The following LPAR2 variants were observed in gnomAD, a reference collection of about 807,000 sequenced individuals.
LPAR2 encodes the protein G protein-coupled receptor.
LPAR2 carries 10 observed loss-of-function variants against 15.6 expected under a neutral mutation model. The observed-to-expected ratio is 0.64, with a 90% CI of 0.39 to 1.09. The LOEUF (loss-of-function observed/expected upper bound fraction) is 1.09. Ranked by LOEUF, LPAR2 falls within the 50% of genes least tolerant of loss-of-function variation. LPAR2 has a pLI of 0.01. For missense variants in LPAR2, 413 were observed against 484.6 expected (o/e 0.85, Z 1.39); for synonymous variants, 204 against 207.4 (o/e 0.98, Z 0.14).
rs775016850 is a variant in LPAR2, at chr19:19,626,667, A to G, written c.618T>C (p.Ala206=). The change falls in exon 2 of 3, where the codon GCT becomes GCC. Residue 206 remains alanine, a synonymous_variant. Transcript: ENST00000407877. This position sits in a 1 kb window ranked among gnomAD's most constrained non-coding sequence, Gnocchi z 5.3. ...CGTAGAAGAAAATGCGGGTGTACAC[A>G]GCCACCATGAGCAGGAAGACAAGCA... 1.2e-6 allele frequency: 2 copies of G among 1,613,420 alleles called. No homozygotes were observed. Among genetic ancestry groups the G allele is most frequent in the African/African-American group, 1.3e-5 (1 of 74,938 alleles).
rs1261123904 is a variant in LPAR2, at chr19:19,624,469, T to G, written c.843A>C (p.Leu281=). Residue 281 remains leucine, a synonymous_variant, in exon 3 of 3, where the codon CTA becomes CTC. Coordinates refer to ENST00000407877, the MANE Select transcript of LPAR2 (RefSeq NM_004720.7). ...CCAGGGAGTTGGCCTCGGCCAACAGTAGGAAGTACTTTTCTACAGCCAGGA... is the reference window on the plus strand; with the variant it reads ...CCAGGGAGTTGGCCTCGGCCAACAGGAGGAAGTACTTTTCTACAGCCAGGA... 3.1e-6 allele frequency: 5 copies of G among 1,613,848 alleles called. No homozygotes were observed. The highest frequency in any genetic ancestry group is 1.7e-5 in the Admixed American group (1 of 59,996).
Position 19,627,550 on chromosome 19 carries a change from G to T in LPAR2, c.1-266C>A, listed in dbSNP as rs1037860229. ...AAGTCAATAGGTTTTTGAACCAGAAGTGAAACAAAACCCATCTATGGTCGA... is the reference window on the plus strand; with the variant it reads ...AAGTCAATAGGTTTTTGAACCAGAATTGAAACAAAACCCATCTATGGTCGA... On this transcript the variant is annotated intron_variant, in intron 1 of 2. Transcript: ENST00000407877. This position sits in a 1 kb window ranked among gnomAD's most constrained non-coding sequence, Gnocchi z 4.7. 7.4e-5 allele frequency: 34 copies of T among 461,592 alleles called. 1 individual carries two copies. Among genetic ancestry groups the T allele is most frequent in the African/African-American group, 6.3e-4 (32 of 50,838 alleles). The allele number at this position is 461,592 out of a possible 1,614,324, so 28.6% of individuals were successfully genotyped here.
intron 2 of LPAR2, 131 bp from the exon 3 acceptor site, chr19:19,624,700 G>A (rs911759719): frequency 2.0e-5 from 14 of 693,676 alleles, no homozygotes; most frequent in African/African-American, 3.6e-5. Flanking sequence ...AGAGCTGCTT[G>A]TTTCCCTGAT....
chr19:19,626,522 C>A lies in LPAR2; in HGVS notation c.742+21G>T, dbSNP rs750597087. On this transcript the variant is annotated intron_variant, in intron 2 of 2. Coordinates refer to ENST00000407877, the MANE Select transcript of LPAR2 (RefSeq NM_004720.7). This position sits in a 1 kb window ranked among gnomAD's most constrained non-coding sequence, Gnocchi z 5.3. ...ATAGGGGGAAGCAGGGTCCCTGTTG[C>A]CCCCTGGGGGCCCCACTTACCCAGG... The A allele has an allele frequency of 1.9e-6, 3 of 1,569,630 alleles. No homozygotes were observed. In the Admixed American group the frequency reaches 5.5e-5, roughly 29 times the overall value.
At chr19:19,625,067 G>GC (rs1365857053) in intron 2 of LPAR2, among the ~76,000 whole-genome samples, 1 of 151,414 alleles carries the variant, frequency 6.6e-6, no homozygotes, top group Non-Finnish European at 1.5e-5. Context: ...TGATCCGCCC[G>GC]CCTCAGCCTC....
In LPAR2 at chr19:19,624,516, A is replaced by G. The variant is rs751863453; in HGVS notation, c.796T>C (p.Leu266=). ...AGGACATTGCAGGACTCACAGCCTA[A>G]ACCATCCAGGAGCAGTACCACCTGG... The change falls in exon 3 of 3, where the codon TTA becomes CTA. Residue 266 remains leucine, a synonymous_variant. Coordinates refer to ENST00000407877, the MANE Select transcript of LPAR2 (RefSeq NM_004720.7). 6.2e-7 allele frequency: 1 copy of G among 1,613,748 alleles called. No homozygotes were observed. The highest frequency in any genetic ancestry group is 8.5e-7 in the Non-Finnish European group (1 of 1,179,852).
intron 2 of LPAR2, among the ~76,000 whole-genome samples, chr19:19,625,186 A>G (rs2061733897): frequency 6.6e-6 from 1 of 151,858 alleles, no homozygotes; most frequent in Non-Finnish European, 1.5e-5. Flanking sequence ...GCACGATCAC[A>G]CCTCACTGAA....
rs775202195 is a variant in LPAR2 at position 19,627,177 on chromosome 19, C to T, written c.108G>A (p.Val36=). ...GCACGCTGACGGTCAGCCCCAGTGCCACCACGACCACATCCTTGGGCCGCC... is the reference window on the plus strand; with the variant it reads ...GCACGCTGACGGTCAGCCCCAGTGCTACCACGACCACATCCTTGGGCCGCC... The change falls in exon 2 of 3, where the codon GTG becomes GTA. Residue 36 remains valine, a synonymous_variant. Transcript: ENST00000407877. This position sits in a 1 kb window ranked among gnomAD's most constrained non-coding sequence, Gnocchi z 4.7. 2 of 1,613,246 alleles carry T rather than the reference C, an allele frequency of 1.2e-6. No homozygotes were observed. Among genetic ancestry groups the T allele is most frequent in the South Asian group, 1.1e-5 (1 of 91,086 alleles).
chr19:19,624,687 G>GC, intron 2 of LPAR2, 118 bp from the exon 3 acceptor site: 1 of 753,114 alleles, frequency 1.3e-6, no homozygotes, highest in Non-Finnish European at 2.2e-6. Context: ...AGTTTGCAGT[G>GC]CAAGAGCTGC....
In LPAR2 at chr19:19,626,919, C is replaced by T. The variant is rs1366392791; in HGVS notation, c.366G>A (p.Leu122=). 1.9e-6 allele frequency: 3 copies of T among 1,604,802 alleles called. No homozygotes were observed. Among genetic ancestry groups the T allele is most frequent in the Non-Finnish European group, 2.6e-6 (3 of 1,176,374 alleles). Residue 122 remains leucine, a synonymous_variant, in exon 2 of 3, where the codon CTG becomes CTA. Coordinates refer to ENST00000407877, the MANE Select transcript of LPAR2 (RefSeq NM_004720.7). The surrounding 1 kb of genome is among the most constrained non-coding windows in gnomAD (Gnocchi z 5.3). ...GGTGCCGCTCCACGGCGATGGCCAGCAGTGTGGCCACCGACGCAGTGAGGC... is the reference window on the plus strand; with the variant it reads ...GGTGCCGCTCCACGGCGATGGCCAGTAGTGTGGCCACCGACGCAGTGAGGC...
At position 19,627,199 on chromosome 19, in the gene LPAR2, C is replaced by A; in HGVS notation, c.86G>T (p.Arg29Leu). The stretch of plus-strand genomic sequence containing the variant: ...TGCCACCACGACCACATCCTTGGGC[C>A]GCCAGTGGGAGCTGAGCTCTTTGCC... Residue 29 changes from arginine (R) to leucine (L), a missense_variant, in exon 2 of 3, where the codon CGG becomes CTG. Transcript: ENST00000407877. This position sits in a 1 kb window ranked among gnomAD's most constrained non-coding sequence, Gnocchi z 4.7. 6.2e-7 allele frequency: 1 copy of A among 1,612,750 alleles called. No individual in the cohort carries two copies. Among genetic ancestry groups the A allele is most frequent in the Non-Finnish European group, 8.5e-7 (1 of 1,179,998 alleles).
At position 19,626,334 on chromosome 19, in the gene LPAR2, C is replaced by T. The variant is rs1262369748; in HGVS notation, c.742+209G>A. On this transcript the variant is annotated intron_variant, in intron 2 of 2. Transcript: ENST00000407877. This position sits in a 1 kb window ranked among gnomAD's most constrained non-coding sequence, Gnocchi z 5.3. ...GTACTGCCTTGAGGTTTTTACTTTC[C>T]GTTTCCTCTGCCTGGAAGGCTCTCT... is the stretch of plus-strand genomic sequence containing the variant. Among the ~76,000 whole-genome samples the T allele has an allele frequency of 2.0e-5, 3 of 152,242 alleles. No homozygotes were observed. The highest frequency in any genetic ancestry group is 4.4e-5 in the Non-Finnish European group (3 of 68,042).
intron 2 of LPAR2, among the ~76,000 whole-genome samples, chr19:19,625,360 C>A (rs2061734620): frequency 6.6e-6 from 1 of 152,056 alleles, no homozygotes; most frequent in African/African-American, 2.4e-5. Context: ...CCCAGCTACT[C>A]AGGAAACTGA....
chr19:19,628,154 C>T lies in LPAR2; in HGVS notation c.-63G>A, dbSNP rs2061754106. 6.6e-6 allele frequency: 1 copy of T among 152,212 alleles called. No homozygotes were observed. The highest frequency in any genetic ancestry group is 2.1e-4 in the South Asian group (1 of 4,836). The allele number at this position is 152,212 out of a possible 1,614,324, so 9.4% of individuals were successfully genotyped here. On this transcript the variant is annotated 5_prime_UTR_variant, in exon 1 of 3. Coordinates refer to ENST00000407877, the MANE Select transcript of LPAR2 (RefSeq NM_004720.7). ...CGGGGGTTCGGGGCGGGCTCGAGGCCCATGGCCCGGCGACTGCGGCGGGAG... is the reference window on the plus strand; with the variant it reads ...CGGGGGTTCGGGGCGGGCTCGAGGCTCATGGCCCGGCGACTGCGGCGGGAG...
In LPAR2 at chr19:19,624,058, G is replaced by A; in HGVS notation, c.*198C>T. The A allele has an allele frequency of 1.6e-6, 1 of 617,386 alleles. No individual in the cohort carries two copies. The highest frequency in any genetic ancestry group is 2.9e-6 in the Non-Finnish European group (1 of 348,574). The allele number at this position is 617,386 out of a possible 1,614,324, so 38.2% of individuals were successfully genotyped here. On this transcript the variant is annotated 3_prime_UTR_variant, in exon 3 of 3. Transcript: ENST00000407877. ...CCTGCACCCCATCTGACTCCCCCAG[G>A]CAGTGGGAGATGACCCAAAGCCCCC...
At position 19,627,141 on chromosome 19, in the gene LPAR2, C is replaced by T. The variant is rs2061745907; in HGVS notation, c.144G>A (p.Leu48=). 1.9e-6 allele frequency: 3 copies of T among 1,613,096 alleles called. No homozygotes were observed. The highest frequency in any genetic ancestry group is 1.1e-5 in the South Asian group (1 of 91,022). ...TGGCTGCTATGACCAGCAGATTGGT[C>T]AGCAGCACCAGCACGCTGACGGTCA... The change falls in exon 2 of 3, where the codon CTG becomes CTA. Residue 48 remains leucine (L), a synonymous_variant. Coordinates refer to ENST00000407877, the MANE Select transcript of LPAR2 (RefSeq NM_004720.7). This position sits in a 1 kb window ranked among gnomAD's most constrained non-coding sequence, Gnocchi z 4.7.
Position 19,627,005 on chromosome 19 carries a change from G to T in LPAR2, c.280C>A (p.Pro94Thr). 1 of 1,613,770 alleles carries T rather than the reference G, an allele frequency of 6.2e-7. No homozygotes were observed. The highest frequency in any genetic ancestry group is 1.1e-5 in the South Asian group (1 of 91,048). Residue 94 changes from proline to threonine, a missense_variant, in exon 2 of 3, where the codon CCC (proline) becomes ACC (threonine). Coordinates refer to ENST00000407877, the MANE Select transcript of LPAR2 (RefSeq NM_004720.7). The surrounding 1 kb of genome is among the most constrained non-coding windows in gnomAD (Gnocchi z 4.7). Reference sequence around the variant, plus strand: ...TCAAGTGAAAGTCGGGCTGTGCGGGGACCAGTGTGGAACATGAGGAAGAGG... The same window carrying T: ...TCAAGTGAAAGTCGGGCTGTGCGGGTACCAGTGTGGAACATGAGGAAGAGG...
At position 19,626,449 on chromosome 19, in the gene LPAR2, C is replaced by A; in HGVS notation, c.742+94G>T. 1 of 1,452,078 alleles carries A rather than the reference C, an allele frequency of 6.9e-7. No homozygotes were observed. The highest frequency in any genetic ancestry group is 2.2e-5 in the Admixed American group (1 of 45,846). The allele number at this position is 1,452,078 out of a possible 1,614,324, so 89.9% of individuals were successfully genotyped here. On this transcript the variant is annotated intron_variant, in intron 2 of 2. Transcript: ENST00000407877. The surrounding 1 kb of genome is among the most constrained non-coding windows in gnomAD (Gnocchi z 5.3). ...CACCTAAATCATCCCCCATCACCCT[C>A]TATCAGGTAGCTTGTTTTGTTCATT...
At position 19,627,437 on chromosome 19, in the gene LPAR2, G is replaced by C; in HGVS notation, c.1-153C>G. ...CAGTGGTGAGGACTACGGTGGCCTGGAAAAAGCAAGCTCCATGGGGCTGGG... is the reference window on the plus strand; with the variant it reads ...CAGTGGTGAGGACTACGGTGGCCTGCAAAAAGCAAGCTCCATGGGGCTGGG... On this transcript the variant is annotated intron_variant, in intron 1 of 2. Transcript: ENST00000407877. This position sits in a 1 kb window ranked among gnomAD's most constrained non-coding sequence, Gnocchi z 4.7. The C allele has an allele frequency of 1.4e-6, 1 of 708,744 alleles. No individual in the cohort carries two copies. Among genetic ancestry groups the C allele is most frequent in the East Asian group, 2.5e-5 (1 of 39,236 alleles). The allele number at this position is 708,744 out of a possible 1,614,324, so 43.9% of individuals were successfully genotyped here.
Sources: allele counts gnomAD v4.1 joint callset (sites outside exome capture counted in the v4.1 genomes callset), GRCh38; gene constraint gnomAD v4.1.1; non-coding constraint Gnocchi (gnomAD v3.1); transcripts MANE v1.5; gene names NCBI Gene and HGNC (gene_info 2026-07-23, HGNC 2026-07-21).